Variants in ESRRG observed in about 807,000 individuals in gnomAD.
The protein encoded by ESRRG is estrogen related receptor gamma, also known as estrogen-related receptor gamma.
In ESRRG, 13 loss-of-function variants were observed where a neutral mutation model predicts 44.0. The observed-to-expected ratio is 0.30, with a 90% CI of 0.19 to 0.47. The LOEUF (loss-of-function observed/expected upper bound fraction) is 0.47. Among genes scored for constraint, ESRRG ranks in the 20% least tolerant of loss-of-function variants. The pLI is 1.00. For synonymous variants in ESRRG, 215 were observed against 214.6 expected (o/e 1.00, Z -0.02); for missense variants, 395 against 580.6 (o/e 0.68, Z 3.29).
chr1:216,897,108 C>T (rs1375357726), intron 2 of ESRRG, among the ~76,000 whole-genome samples: 2 of 151,946 alleles, frequency 1.3e-5, no homozygotes. Context: ...ATTGATCAGC[C>T]GTTGTGAAGA....
At chr1:216,774,575 C>T (rs1486297273) in intron 2 of ESRRG, among the ~76,000 whole-genome samples, 1 of 152,016 alleles carries the variant, frequency 6.6e-6, no homozygotes, top group Non-Finnish European at 1.5e-5. Context: ...GCGTACTTTC[C>T]TAAAGGCACT....
At chr1:216,539,003 C>T (rs1326045185) in intron 5 of ESRRG, among the ~76,000 whole-genome samples, 2 of 151,962 alleles carry the variant, frequency 1.3e-5, no homozygotes. Context: ...AGGACTTAAA[C>T]ATTTGTTGTC....
chr1:216,962,152 C>T (rs2069227355), intron 1 of ESRRG, among the ~76,000 whole-genome samples: 1 of 152,064 alleles, frequency 6.6e-6, no homozygotes, highest in Non-Finnish European at 1.5e-5. Context: ...GGAATAAACA[C>T]AAAAGAATCA....
chr1:216,629,218 G>A (rs952502305), intron 3 of ESRRG, among the ~76,000 whole-genome samples: 2 of 152,116 alleles, frequency 1.3e-5, no homozygotes, highest in African/African-American at 4.8e-5. Context: ...TGCTAAATAA[G>A]TCAATGTATA....
intron 1 of ESRRG, among the ~76,000 whole-genome samples, chr1:217,026,672 C>T (rs1468969780): frequency 1.3e-5 from 2 of 152,044 alleles, no homozygotes; most frequent in African/African-American, 4.8e-5. Flanking sequence ...TAGTCACCCC[C>T]CAAAAGTTCA....
At chr1:216,935,005 T>C (rs2063906844) in intron 2 of ESRRG, among the ~76,000 whole-genome samples, 2 of 152,266 alleles carry the variant, frequency 1.3e-5, no homozygotes, top group African/African-American at 2.4e-5. Context: ...AAACTAAAAC[T>C]CTAATAACTA....
At chr1:216,537,343 C>T (rs921690930) in intron 5 of ESRRG, among the ~76,000 whole-genome samples, 6 of 152,038 alleles carry the variant, frequency 3.9e-5, no homozygotes, top group African/African-American at 7.2e-5. Flanking sequence ...TTCCTAGCCT[C>T]TAGAACCATA....
intron 2 of ESRRG, among the ~76,000 whole-genome samples, chr1:216,800,340 C>G (rs1160412352): frequency 6.6e-6 from 1 of 152,108 alleles, no homozygotes; most frequent in African/African-American, 2.4e-5. Context: ...TGCCACTGTA[C>G]ACTGAAAAAT....
intron 5 of ESRRG, among the ~76,000 whole-genome samples, chr1:216,546,655 A>T (rs1239948417): frequency 6.6e-6 from 1 of 152,042 alleles, no homozygotes; most frequent in Non-Finnish European, 1.5e-5. Flanking sequence ...ACATTTTGTC[A>T]GCCTAAGTTT....
chr1:216,931,753 C>T (rs1418432143), intron 2 of ESRRG, among the ~76,000 whole-genome samples: 6 of 144,490 alleles, frequency 4.2e-5, no homozygotes, highest in Non-Finnish European at 7.5e-5. Context: ...AAAAGACATA[C>T]AAAATATTTA....
chr1:216,853,575 G>A (rs1197408854), intron 2 of ESRRG, among the ~76,000 whole-genome samples: 3 of 151,994 alleles, frequency 2.0e-5, no homozygotes, highest in Non-Finnish European at 2.9e-5. Flanking sequence ...AACCCTCAAT[G>A]GTCCCACAAC....
At chr1:217,015,201 G>C (rs1274794230) in intron 1 of ESRRG, among the ~76,000 whole-genome samples, 1 of 152,074 alleles carries the variant, frequency 6.6e-6, no homozygotes, top group Non-Finnish European at 1.5e-5. Flanking sequence ...ATAGTGCAGG[G>C]GCTGATTGTT....
chr1:216,812,679 G>T (rs916523758), intron 2 of ESRRG, among the ~76,000 whole-genome samples: 1 of 152,066 alleles, frequency 6.6e-6, no homozygotes, highest in Non-Finnish European at 1.5e-5. Context: ...ATGATTTCCA[G>T]CTCTTGCTCA....
intron 3 of ESRRG, among the ~76,000 whole-genome samples, chr1:216,643,660 G>A (rs2066908006): frequency 6.6e-6 from 1 of 152,102 alleles, no homozygotes; most frequent in Non-Finnish European, 1.5e-5. Flanking sequence ...AGGCTGCTCA[G>A]TTATCCCATA....
chr1:216,989,179 G>C (rs541528980), intron 1 of ESRRG, among the ~76,000 whole-genome samples: 2 of 152,108 alleles, frequency 1.3e-5, no homozygotes, highest in South Asian at 4.2e-4. Flanking sequence ...GATTTGGGTG[G>C]CTCACATATG....
At chr1:217,027,376 C>T (rs193203296) in intron 1 of ESRRG, among the ~76,000 whole-genome samples, 3 of 152,282 alleles carry the variant, frequency 2.0e-5, no homozygotes, top group African/African-American at 7.2e-5. Context: ...TCCTTACACC[C>T]TAGTTCTTCG....
At chr1:216,713,368 A>C (rs2084058720) in intron 1 of ESRRG, among the ~76,000 whole-genome samples, 1 of 152,032 alleles carries the variant, frequency 6.6e-6, no homozygotes, top group Non-Finnish European at 1.5e-5. Flanking sequence ...TTCTTGAAAA[A>C]AAAAAAAAAA....
intron 4 of ESRRG, among the ~76,000 whole-genome samples, chr1:216,565,984 GT>G (rs5780895): frequency 6.7e-6 from 1 of 149,598 alleles, no homozygotes. Context: ...GATTCTAGTT[GT>G]TTTTTTTTTA....
intron 1 of ESRRG, among the ~76,000 whole-genome samples, chr1:216,709,087 G>A (rs1359338477): frequency 6.6e-6 from 1 of 152,046 alleles, no homozygotes; most frequent in East Asian, 1.9e-4. Context: ...CTAAGGGAGG[G>A]ATAGCATTAG....
Sources: allele counts gnomAD v4.1 joint callset (sites outside exome capture counted in the v4.1 genomes callset), GRCh38; gene constraint gnomAD v4.1.1; transcripts MANE v1.5; gene names NCBI Gene and HGNC (gene_info 2026-07-23, HGNC 2026-07-21).